Variants in ITSN2 observed in about 807,000 individuals in gnomAD.
ITSN2 encodes the protein intersectin-2.
ITSN2 carries 156 observed loss-of-function variants against 243.7 expected under a neutral mutation model. The ratio of observed to expected loss-of-function variants is 0.64; its 90% CI spans 0.56 to 0.73. The LOEUF (loss-of-function observed/expected upper bound fraction) is 0.73, where lower values mean the gene tolerates loss of function less well. Among genes scored for constraint, ITSN2 ranks in the 30% least tolerant of loss-of-function variants. ITSN2 has a pLI of 0.00. For missense variants in ITSN2, 1,801 were observed against 1,996.1 expected, an observed-to-expected ratio of 0.90 and a Z score of 1.86; for synonymous variants, 703 against 699.9, an observed-to-expected ratio of 1.00 and a Z score of -0.07.
chr2:24,287,384 G>A (rs1370231006), intron 15 of ITSN2, among the ~76,000 whole-genome samples: 2 of 151,882 alleles, frequency 1.3e-5, no homozygotes, highest in African/African-American at 4.8e-5. Flanking sequence ...TCTAACCCCT[G>A]GTAACCACTC....
intron 29 of ITSN2, among the ~76,000 whole-genome samples, chr2:24,227,640 G>C (rs1247523071): frequency 6.6e-6 from 1 of 152,202 alleles, no homozygotes; most frequent in African/African-American, 2.4e-5. Context: ...GAGATGGAAG[G>C]CTGGGCATGG....
chr2:24,326,205 T>C (rs1685142436), intron 2 of ITSN2, among the ~76,000 whole-genome samples: 1 of 152,218 alleles, frequency 6.6e-6, no homozygotes, highest in African/African-American at 2.4e-5. Context: ...AAAAAATTAC[T>C]ATCTGTATGC....
intron 24 of ITSN2, among the ~76,000 whole-genome samples, chr2:24,252,944 C>A (rs1674538968): frequency 6.6e-6 from 1 of 152,056 alleles, no homozygotes; most frequent in South Asian, 2.1e-4. Flanking sequence ...CTCTTTAATT[C>A]TTTTAAGTAC....
intron 13 of ITSN2, among the ~76,000 whole-genome samples, chr2:24,298,127 G>C (rs1309262121): frequency 6.6e-6 from 1 of 151,354 alleles, no homozygotes; most frequent in Non-Finnish European, 1.5e-5. Context: ...TAGGATTACA[G>C]GCACCCACCA....
At chr2:24,283,033 AAAG>A (rs1318325809) in intron 17 of ITSN2, among the ~76,000 whole-genome samples, 2 of 151,696 alleles carry the variant, frequency 1.3e-5, no homozygotes, top group African/African-American at 2.4e-5. Flanking sequence ...AAAAAAAAAA[AAAG>A]ATTTTCCTTT....
chr2:24,249,663 TA>T lies in ITSN2; in HGVS notation c.3121-782del, dbSNP rs1673853395. On this transcript the variant is annotated intron_variant, in intron 25 of 39. Coordinates refer to ENST00000355123, the MANE Select transcript of ITSN2 (RefSeq NM_006277.3). The surrounding 1 kb of genome is among the most constrained non-coding windows in gnomAD (Gnocchi z 4.4). ...TAATTTTCACAATAACACTATTAAG[TA>T]ATTATGATTATCCCCATTTTACAGA... 6.6e-6 allele frequency among the ~76,000 whole-genome samples: 1 copy of T among 152,170 alleles called. No homozygotes were observed. The highest frequency in any genetic ancestry group is 2.1e-4 in the South Asian group (1 of 4,826).
intron 12 of ITSN2, 80 bp from the exon 13 acceptor site, chr2:24,298,894 A>C (rs1295747783): frequency 3.6e-6 from 5 of 1,383,186 alleles, no homozygotes; most frequent in Non-Finnish European, 4.9e-6. Context: ...CAACAATAAA[A>C]GTCAGGCAGA....
intron 1 of ITSN2, among the ~76,000 whole-genome samples, chr2:24,346,944 G>A (rs2551142): frequency 0.98 from 146,000 of 149,278 alleles, 71,394 homozygotes; most frequent in East Asian, 0.99. Flanking sequence ...GGCTCACTGC[G>A]ACCTCCACCT....
intron 1 of ITSN2, among the ~76,000 whole-genome samples, chr2:24,350,759 T>C (rs1250012834): frequency 6.6e-6 from 1 of 152,188 alleles, no homozygotes; most frequent in Non-Finnish European, 1.5e-5. Flanking sequence ...AGACCATATA[T>C]TGTATAATTC....
chr2:24,313,522 A>C lies in ITSN2; in HGVS notation c.126T>G (p.Gly42=). 6.2e-7 allele frequency: 1 copy of C among 1,612,294 alleles called. No individual in the cohort carries two copies. Among genetic ancestry groups the C allele is most frequent in the Non-Finnish European group, 8.5e-7 (1 of 1,179,098 alleles). ...GTAGGAAAAAATTACGTGCTTGATC[A>C]CCTGGAGGTAATAAAAACAAAACCC... ...NLKPSGGYIT[G]DQARNFFLQS... Residue 42 remains glycine, a splice_region_variant and synonymous_variant, in exon 4 of 40, where the codon GGT becomes GGG. Coordinates refer to ENST00000355123, the MANE Select transcript of ITSN2 (RefSeq NM_006277.3).
intron 1 of ITSN2, among the ~76,000 whole-genome samples, chr2:24,351,888 A>C (rs1385431131): frequency 6.6e-6 from 1 of 152,206 alleles, no homozygotes; most frequent in Non-Finnish European, 1.5e-5. Context: ...GGATATGCCA[A>C]GGAGAAGCCA....
At chr2:24,232,761 A>G (rs1353000787) in intron 29 of ITSN2, among the ~76,000 whole-genome samples, 3 of 152,212 alleles carry the variant, frequency 2.0e-5, no homozygotes, top group Non-Finnish European at 2.9e-5. Flanking sequence ...GAGCTACTAC[A>G]TATCTAAATC....
rs1468666085 is a variant in ITSN2, at chr2:24,304,857, T to C, written c.794-995A>G. ...AAAGTCTGAGTAATACAAAGGGCCA[T>C]AGAGAGCCAACAGAGTATCTTACTT... is the stretch of plus-strand genomic sequence containing the variant. On this transcript the variant is annotated intron_variant, in intron 8 of 39. Coordinates refer to ENST00000355123, the MANE Select transcript of ITSN2 (RefSeq NM_006277.3). Among the ~76,000 whole-genome samples the C allele has an allele frequency of 4.6e-5, 7 of 152,302 alleles. No individual in the cohort carries two copies. The South Asian group carries it at 8.3e-4, about 18-fold the overall frequency.
intron 39 of ITSN2, 132 bp from the exon 40 acceptor site, chr2:24,203,915 G>C (rs781195333): frequency 2.2e-5 from 21 of 936,848 alleles, no homozygotes; most frequent in Non-Finnish European, 2.8e-5. Context: ...CATGGCTGTT[G>C]AATGTCGTGA....
intron 1 of ITSN2, among the ~76,000 whole-genome samples, chr2:24,350,695 T>C (rs148782893): frequency 0.011 from 1,734 of 152,338 alleles, 20 homozygotes; most frequent in Non-Finnish European, 0.018. Flanking sequence ...ATCTATGCTA[T>C]AACATTGATG....
chr2:24,248,951 T>C lies in ITSN2; in HGVS notation c.3121-69A>G, dbSNP rs1045074141. 13 of 1,434,976 alleles carry C rather than the reference T, an allele frequency of 9.1e-6. No homozygotes were observed. In the South Asian group the frequency reaches 1.2e-4, roughly 13 times the overall value. 88.9% of individuals were successfully genotyped at this position (1,434,976 alleles called of 1,614,324 possible). A position where few individuals can be genotyped will look rare whatever the true frequency, so the allele number is the denominator to read the frequency against. On this transcript the variant is annotated intron_variant, in intron 25 of 39. Coordinates refer to ENST00000355123, the MANE Select transcript of ITSN2 (RefSeq NM_006277.3). ...CCAAATGTAAAAGTATAAAGGTTAATGGGAATTAGAGATTTCAAATTCCCA... is the reference window on the plus strand; with the variant it reads ...CCAAATGTAAAAGTATAAAGGTTAACGGGAATTAGAGATTTCAAATTCCCA...
chr2:24,286,062 A>C (rs1679459341), intron 16 of ITSN2, 150 bp downstream of exon 16: 1 of 571,364 alleles, frequency 1.8e-6, no homozygotes, highest in Non-Finnish European at 3.1e-6. Flanking sequence ...AACATTAAAA[A>C]CAATCTTGAA....
chr2:24,253,364 C>T (rs1028692061), intron 24 of ITSN2, among the ~76,000 whole-genome samples: 31 of 151,908 alleles, frequency 2.0e-4, no homozygotes, highest in Admixed American at 9.2e-4. Context: ...CAATAAAAGT[C>T]GGGTCCTTTC....
chr2:24,318,483 A>G (rs1395301960), intron 2 of ITSN2, among the ~76,000 whole-genome samples: 2 of 152,170 alleles, frequency 1.3e-5, no homozygotes, highest in Non-Finnish European at 2.9e-5. Flanking sequence ...AAAGCCATTC[A>G]ACAATGCACT....
Sources: allele counts gnomAD v4.1 joint callset (sites outside exome capture counted in the v4.1 genomes callset), GRCh38; gene constraint gnomAD v4.1.1; non-coding constraint Gnocchi (gnomAD v3.1); transcripts MANE v1.5; gene names NCBI Gene and HGNC (gene_info 2026-07-23, HGNC 2026-07-21).